The following CCDC186 variants were observed in gnomAD, a reference collection of about 807,000 sequenced individuals.
CCDC186 encodes coiled-coil domain containing 186, also known as coiled-coil domain-containing protein 186.
In CCDC186, 49 loss-of-function variants were observed where a neutral mutation model predicts 113.7. The ratio of observed to expected loss-of-function variants is 0.43; its 90% CI spans 0.34 to 0.55. The LOEUF (loss-of-function observed/expected upper bound fraction) is 0.55, where lower values mean the gene tolerates loss of function less well. Ranked by LOEUF, CCDC186 falls within the 20% of genes least tolerant of loss-of-function variation. The probability of loss-of-function intolerance (pLI) is 0.02; values close to 1 mark genes in which losing one functional copy is unlikely to be tolerated. For synonymous variants in CCDC186, 355 were observed against 345.8 expected (o/e 1.03, Z -0.30); for missense variants, 890 against 1,011.1 (o/e 0.88, Z 1.62).
chr10:114,158,172 A>C (rs2032065686), intron 2 of CCDC186, among the ~76,000 whole-genome samples: 1 of 152,214 alleles, frequency 6.6e-6, no homozygotes, highest in Non-Finnish European at 1.5e-5. Flanking sequence ...AACAACAACA[A>C]AGAATCTGGC....
chr10:114,127,393 A>T (rs2030940378), intron 14 of CCDC186, 68 bp downstream of exon 14: 1 of 1,416,938 alleles, frequency 7.1e-7, no homozygotes, highest in Admixed American at 2.1e-5. Flanking sequence ...CTAATTTTAA[A>T]AACAGTAACT....
chr10:114,174,082 T>C lies in CCDC186; in HGVS notation c.-129A>G, dbSNP rs1008902188. On this transcript the variant is annotated 5_prime_UTR_variant, in exon 1 of 16. Coordinates refer to ENST00000369287, the MANE Select transcript of CCDC186 (RefSeq NM_018017.4). ...GGAGCTCTGGCTCAGGGGCCAACTT[T>C]TCCATAGCGGGGTCCAACCAGCCAA... The C allele has an allele frequency of 2.1e-6, 1 of 472,170 alleles. No homozygotes were observed. Among genetic ancestry groups the C allele is most frequent in the Non-Finnish European group, 4.4e-6 (1 of 227,042 alleles). The allele number at this position is 472,170 out of a possible 1,614,324, so 29.2% of individuals were successfully genotyped here.
chr10:114,137,986 G>A (rs1377956000), intron 6 of CCDC186, among the ~76,000 whole-genome samples: 5 of 137,600 alleles, frequency 3.6e-5, no homozygotes, highest in South Asian at 2.4e-4. Context: ...GCGGTGAGCC[G>A]AAATTGCGCC....
chr10:114,137,673 C>T (rs547606424), intron 6 of CCDC186, among the ~76,000 whole-genome samples: 3 of 151,906 alleles, frequency 2.0e-5, no homozygotes, highest in East Asian at 1.9e-4. Context: ...GAGGTGGAGG[C>T]GGGTGGATAA....
At chr10:114,126,876 C>T (rs945915947) in intron 14 of CCDC186, among the ~76,000 whole-genome samples, 12 of 152,112 alleles carry the variant, frequency 7.9e-5, no homozygotes, top group South Asian at 2.1e-4. Context: ...AGGAATTTGG[C>T]GCAGCACTCC....
Position 114,123,507 on chromosome 10 carries a change from C to T in CCDC186, c.*1636G>A, listed in dbSNP as rs991436628. 3.9e-5 allele frequency: 6 copies of T among 152,250 alleles called. No individual in the cohort carries two copies. Among genetic ancestry groups the T allele is most frequent in the African/African-American group, 1.4e-4 (6 of 41,560 alleles). The allele number at this position is 152,250 out of a possible 1,614,324, so 9.4% of individuals were successfully genotyped here. ...CTTTTAGAGCCCAAACAATTCTTTA[C>T]AGGCTTTTAATCCATCATCCCAAAA... On this transcript the variant is annotated 3_prime_UTR_variant, in exon 16 of 16. Transcript: ENST00000369287.
intron 10 of CCDC186, among the ~76,000 whole-genome samples, chr10:114,133,693 T>G (rs1231225904): frequency 6.6e-6 from 1 of 152,082 alleles, no homozygotes; most frequent in African/African-American, 2.4e-5. Flanking sequence ...TAAAAGATGA[T>G]AAGAATTCAA....
In CCDC186 at chr10:114,135,033, C is replaced by T. The variant is rs771315076; in HGVS notation, c.1535G>A (p.Arg512Gln). Residue 512 changes from arginine (R) to glutamine (Q), a missense_variant, in exon 10 of 16, where the codon CGA becomes CAA. Transcript: ENST00000369287. ...TGATAATTCATCTTCTGTTCTTAAT[C>T]GTTCATCTTCTAGACATTTCACCTA... ...RTKVKCLEDE[R>Q]LRTEDELSKY... 2.1e-5 allele frequency: 33 copies of T among 1,608,740 alleles called. No homozygotes were observed. The highest frequency in any genetic ancestry group is 2.6e-5 in the Non-Finnish European group (31 of 1,178,718).
chr10:114,145,377 A>G (rs865983557), intron 5 of CCDC186, among the ~76,000 whole-genome samples, 172 bp downstream of exon 5: 9 of 152,310 alleles, frequency 5.9e-5, no homozygotes, highest in Middle Eastern at 6.8e-3. Flanking sequence ...CAGACAAGTA[A>G]TAGAACACTT....
At chr10:114,167,799 TAAAAAA>T (rs60257583) in intron 1 of CCDC186, among the ~76,000 whole-genome samples, 22 of 71,300 alleles carry the variant, frequency 3.1e-4, no homozygotes, top group African/African-American at 7.1e-4. Context: ...CTAATCTCCG[TAAAAAA>T]AAAAAAAAAA....
rs539378008 is a variant in CCDC186, at chr10:114,146,180, T to C, written c.889-419A>G. On this transcript the variant is annotated intron_variant, in intron 4 of 15. Transcript: ENST00000369287. ...CAGAAGCTTGGGAACGTAGGCAGAG[T>C]GAGATCTGGCTCCTCCAGAGTTCCC... 8.5e-5 allele frequency among the ~76,000 whole-genome samples: 13 copies of C among 152,058 alleles called. No homozygotes were observed. The South Asian group carries it at 2.7e-3, about 32-fold the overall frequency.
chr10:114,131,273 G>A lies in CCDC186; in HGVS notation c.1975C>T (p.Leu659Phe). ...KEEVQTLQAELACRQTEVKAL... is the reference protein window; with the variant it reads ...KEEVQTLQAEFACRQTEVKAL... ...TTAACTTCTGTTTGTCTACAAGCGA[G>A]TTCAGCTTGCAGAGTTTGGACTTCC... The change falls in exon 12 of 16, where the codon CTC becomes TTC. Residue 659 changes from leucine to phenylalanine, a missense_variant. Physicochemically the swap from Leu to Phe is conservative, Grantham distance 22. Coordinates refer to ENST00000369287, the MANE Select transcript of CCDC186 (RefSeq NM_018017.4). 2 of 1,602,446 alleles carry A rather than the reference G, an allele frequency of 1.2e-6. No homozygotes were observed. Among genetic ancestry groups the A allele is most frequent in the Admixed American group, 1.7e-5 (1 of 57,622 alleles).
intron 1 of CCDC186, among the ~76,000 whole-genome samples, chr10:114,164,216 G>T (rs988614631): frequency 1.4e-5 from 2 of 147,842 alleles, no homozygotes; most frequent in Non-Finnish European, 3.0e-5. Flanking sequence ...TGCCTCCCAG[G>T]TTCCAGCAAT....
intron 3 of CCDC186, 113 bp downstream of exon 3, chr10:114,157,441 C>T: frequency 1.0e-6 from 1 of 978,142 alleles, no homozygotes. Context: ...ATCCGCCCAC[C>T]TTGGCCTCCC....
chr10:114,159,640 C>CAAAAAAAAAAAAAAAA (rs34339225), intron 2 of CCDC186, among the ~76,000 whole-genome samples: 1 of 55,484 alleles, frequency 1.8e-5, no homozygotes, highest in Non-Finnish European at 3.7e-5. Context: ...GACTCCGTCT[C>CAAAAAAAAAAAAAAAA]AAAAAAAAAA....
intron 1 of CCDC186, chr10:114,165,849 C>CGAAAAAAAAAAAAA (rs776703729): frequency 2.0e-6 from 1 of 511,722 alleles, no homozygotes; most frequent in Non-Finnish European, 2.4e-6. Flanking sequence ...CACTTTGTCT[C>CGAAAAAAAAAAAAA]AAAAAAAAAA....
At chr10:114,142,022 G>GAACA (rs2031484712) in intron 6 of CCDC186, among the ~76,000 whole-genome samples, 1 of 152,110 alleles carries the variant, frequency 6.6e-6, no homozygotes, top group African/African-American at 2.4e-5. Flanking sequence ...TACAGTTATA[G>GAACA]AACACTACAG....
chr10:114,125,754 G>A (rs991136024), intron 15 of CCDC186, 132 bp downstream of exon 15: 15 of 662,104 alleles, frequency 2.3e-5, no homozygotes, highest in South Asian at 7.7e-5. Context: ...AGAAAATCAC[G>A]AAACTTCATC....
chr10:114,133,233 T>C (rs577944907), intron 10 of CCDC186, among the ~76,000 whole-genome samples: 1 of 152,226 alleles, frequency 6.6e-6, no homozygotes, highest in East Asian at 1.9e-4. Context: ...TTGACAGATG[T>C]TACAGACTTA....
Sources: gnomAD v4.1 joint callset for allele counts (sites outside exome capture counted in the v4.1 genomes callset) on GRCh38, gnomAD v4.1.1 for gene constraint, MANE v1.5 for transcripts, NCBI Gene and HGNC (gene_info 2026-07-23, HGNC 2026-07-21) for gene names.